The following VPS13A variants were observed in gnomAD, a reference collection of about 807,000 sequenced individuals.
VPS13A encodes the protein vacuolar protein sorting 13 homolog A, also known as intermembrane lipid transfer protein VPS13A.
In VPS13A, 264 loss-of-function variants were observed where a neutral mutation model predicts 390.9. That is an observed-to-expected ratio of 0.68 (90% CI 0.61 to 0.75). The LOEUF is 0.75. VPS13A is among the 30% of genes least tolerant of loss of function. VPS13A has a pLI of 0.00. For missense variants in VPS13A, 3,409 were observed against 3,733.9 expected (o/e 0.91, Z 2.27); for synonymous variants, 1,231 against 1,227.1 (o/e 1.00, Z -0.07).
chr9:77,382,271 T>C lies in VPS13A; in HGVS notation c.9189+184T>C, dbSNP rs182563394. ...ATTTACTATAAGATTTTTTTTTCTT[T>C]TTTACAGGCATCAAAAAGTTTGATA... On this transcript the variant is annotated intron_variant, in intron 68 of 71. Coordinates refer to ENST00000360280, the MANE Select transcript of VPS13A (RefSeq NM_033305.3). 128 of 1,510,242 alleles carry C rather than the reference T, an allele frequency of 8.5e-5. No homozygotes were observed. In the East Asian group the frequency reaches 2.9e-3, roughly 34 times the overall value. 93.6% of individuals were successfully genotyped at this position (1,510,242 alleles called of 1,614,324 possible). A position where few individuals can be genotyped will look rare whatever the true frequency, so the allele number is the denominator to read the frequency against.
intron 50 of VPS13A, among the ~76,000 whole-genome samples, chr9:77,341,780 T>C (rs372734696): frequency 1.3e-5 from 2 of 150,414 alleles, no homozygotes; most frequent in East Asian, 3.9e-4. Flanking sequence ...ATAATTATAG[T>C]TCTTATTCCC....
chr9:77,187,739 GT>G (rs951955327), intron 1 of VPS13A, among the ~76,000 whole-genome samples: 88 of 152,090 alleles, frequency 5.8e-4, no homozygotes, highest in African/African-American at 1.8e-3. Context: ...GGTTCATGGG[GT>G]ACATGTGTGG....
intron 9 of VPS13A, 152 bp from the exon 10 acceptor site, chr9:77,214,177 G>A: frequency 1.5e-6 from 1 of 649,598 alleles, no homozygotes; most frequent in South Asian, 1.7e-5. Flanking sequence ...TCGGGAGGCT[G>A]AGGCAGGAGA....
chr9:77,281,885 G>T lies in VPS13A; in HGVS notation c.2923G>T (p.Asp975Tyr). Residue 975 changes from aspartate to tyrosine, a missense_variant, in exon 28 of 72, where the codon GAC becomes TAC. Physicochemically the swap from Asp to Tyr is radical, Grantham distance 160. This residue lies in a region of VPS13A where 2,717 missense variants were observed against 2,917.4 expected (regional missense o/e 0.93). Coordinates refer to ENST00000360280, the MANE Select transcript of VPS13A (RefSeq NM_033305.3). ...EYVKAEKNVP[D>Y]LKSTYNNVLQ... Reference sequence around the variant, plus strand: ...TGGATAGGCTGAAAAGAATGTACCCGACTTGAAAAGTACCTATAACAATGT... The same window carrying T: ...TGGATAGGCTGAAAAGAATGTACCCTACTTGAAAAGTACCTATAACAATGT... 2.5e-6 allele frequency: 4 copies of T among 1,604,038 alleles called. No individual in the cohort carries two copies. Among genetic ancestry groups the T allele is most frequent in the South Asian group, 2.2e-5 (2 of 90,460 alleles).
At position 77,403,240 on chromosome 9, in the gene VPS13A, T is replaced by C; in HGVS notation, c.9194T>C (p.Met3065Thr). The change falls in exon 69 of 72, where the codon ATG (methionine) becomes ACG (threonine). Residue 3065 changes from methionine (M) to threonine (T), a missense_variant. Met to Thr is a moderately conservative substitution (Grantham distance 81). This residue lies in a region of VPS13A where 318 missense variants were observed against 333.7 expected (regional missense o/e 0.95). Transcript: ENST00000360280. Reference sequence around the variant, plus strand: ...TCTCTCACTTTTTTCTTTTAGGTCATGGAAAATGGAAGATTTGCAAAATAC... The same window carrying C: ...TCTCTCACTTTTTTCTTTTAGGTCACGGAAAATGGAAGATTTGCAAAATAC... ...DGTGNQMLQV[M>T]ENGRFAKYKY... The C allele has an allele frequency of 1.2e-6, 2 of 1,610,778 alleles. No individual in the cohort carries two copies. Among genetic ancestry groups the C allele is most frequent in the Non-Finnish European group, 1.7e-6 (2 of 1,178,288 alleles).
Position 77,221,169 on chromosome 9 carries a change from T to C in VPS13A, c.990-16T>C, listed in dbSNP as rs1823188860. 6.2e-7 allele frequency: 1 copy of C among 1,612,726 alleles called. No individual in the cohort carries two copies. Among genetic ancestry groups the C allele is most frequent in the Admixed American group, 1.7e-5 (1 of 59,956 alleles). On this transcript the variant is annotated splice_polypyrimidine_tract_variant and intron_variant, in intron 12 of 71. Coordinates refer to ENST00000360280, the MANE Select transcript of VPS13A (RefSeq NM_033305.3). Reference sequence around the variant, plus strand: ...GTTGATTTGAGGGTGTTAAATGTTTTTCTTTTTTTAACTAGGTGGGCTTAT... The same window carrying C: ...GTTGATTTGAGGGTGTTAAATGTTTCTCTTTTTTTAACTAGGTGGGCTTAT...
At chr9:77,320,580 A>C (rs191576033) in intron 42 of VPS13A, among the ~76,000 whole-genome samples, 82 of 152,208 alleles carry the variant, frequency 5.4e-4, no homozygotes, top group African/African-American at 1.9e-3. Context: ...CTAGCTTAGC[A>C]TGTTGAGCTC....
chr9:77,386,774 C>G (rs1833704459), intron 68 of VPS13A, among the ~76,000 whole-genome samples: 1 of 148,718 alleles, frequency 6.7e-6, no homozygotes, highest in African/African-American at 2.5e-5. Flanking sequence ...GTGGCGCGAT[C>G]TCGGCTGACT....
Position 77,202,638 on chromosome 9 carries a change from G to A in VPS13A, c.187+1231G>A, listed in dbSNP as rs111620410. The stretch of plus-strand genomic sequence containing the variant: ...ATTGAATTTTACAGTGATGATTGTC[G>A]TATTTCAGTGTATGTAAATTTAACC... On this transcript the variant is annotated intron_variant, in intron 3 of 71. Coordinates refer to ENST00000360280, the MANE Select transcript of VPS13A (RefSeq NM_033305.3). Among the ~76,000 whole-genome samples the A allele has an allele frequency of 4.4e-3, 669 of 152,136 alleles. 2 individuals are homozygous for A. Among genetic ancestry groups the A allele is most frequent in the Middle Eastern group, 6.8e-3 (2 of 294 alleles).
chr9:77,416,021 T>A lies in VPS13A; in HGVS notation c.*15T>A, dbSNP rs1474066597. 1 of 1,613,112 alleles carries A rather than the reference T, an allele frequency of 6.2e-7. No individual in the cohort carries two copies. Among genetic ancestry groups the A allele is most frequent in the East Asian group, 2.2e-5 (1 of 44,856 alleles). ...CGAGCCTCTGACAGAGAACACTGCC[T>A]GAAGACACACAGCAATAAGTGATTA... On this transcript the variant is annotated 3_prime_UTR_variant, in exon 72 of 72. Coordinates refer to ENST00000360280, the MANE Select transcript of VPS13A (RefSeq NM_033305.3).
chr9:77,359,441 G>A, intron 58 of VPS13A, 39 bp downstream of exon 58: 4 of 1,491,458 alleles, frequency 2.7e-6, no homozygotes, highest in South Asian at 1.2e-5. Context: ...TTTATTTAAT[G>A]TTTGATTTAA....
At position 77,221,175 on chromosome 9, in the gene VPS13A, T is replaced by C. The variant is rs1361925754; in HGVS notation, c.990-10T>C. The C allele has an allele frequency of 1.2e-6, 2 of 1,613,032 alleles. No individual in the cohort carries two copies. The highest frequency in any genetic ancestry group is 1.7e-5 in the Admixed American group (1 of 59,942). ...TTGAGGGTGTTAAATGTTTTTCTTT[T>C]TTTAACTAGGTGGGCTTATGCTATA... On this transcript the variant is annotated splice_polypyrimidine_tract_variant and intron_variant, in intron 12 of 71. Coordinates refer to ENST00000360280, the MANE Select transcript of VPS13A (RefSeq NM_033305.3).
chr9:77,373,587 A>C (rs892252998), intron 67 of VPS13A, among the ~76,000 whole-genome samples: 2 of 147,404 alleles, frequency 1.4e-5, no homozygotes, highest in African/African-American at 4.9e-5. Flanking sequence ...CAAGGACTTC[A>C]TGTCCAAAAC....
At chr9:77,297,392 T>A (rs1828074402) in intron 33 of VPS13A, among the ~76,000 whole-genome samples, 1 of 152,106 alleles carries the variant, frequency 6.6e-6, no homozygotes. Context: ...ACTCTGGGGC[T>A]TTCCTGGCCT....
intron 7 of VPS13A, 109 bp from the exon 8 acceptor site, chr9:77,212,860 C>A: frequency 8.7e-7 from 1 of 1,144,246 alleles, no homozygotes; most frequent in Non-Finnish European, 1.3e-6. Context: ...TCTTTAAAGG[C>A]ATTTTCATGA....
Position 77,273,343 on chromosome 9 carries a change from C to A in VPS13A, c.2491C>A (p.Leu831Ile). ...ACAGAAAATAATTCCTCTCTTGGAACTTCCATCTGTTTCTGAAGATGGTAA... is the reference window on the plus strand; with the variant it reads ...ACAGAAAATAATTCCTCTCTTGGAAATTCCATCTGTTTCTGAAGATGGTAA... ...ISQKIIPLLE[L>I]PSVSEDDSEE... is the part of the protein sequence containing the mutation. The change falls in exon 24 of 72, where the codon CTT (leucine) becomes ATT (isoleucine). Residue 831 changes from leucine to isoleucine, a missense_variant. Leu to Ile is a conservative substitution (Grantham distance 5, BLOSUM62 2). Around this residue, in one of 5 missense-constraint regions of VPS13A, gnomAD observed 2,717 missense variants for 2,917.4 expected, o/e 0.93. Transcript: ENST00000360280. 1 of 1,610,646 alleles carries A rather than the reference C, an allele frequency of 6.2e-7. No individual in the cohort carries two copies. The highest frequency in any genetic ancestry group is 8.5e-7 in the Non-Finnish European group (1 of 1,178,276).
Position 77,250,248 on chromosome 9 carries a change from A to C in VPS13A, c.2170+19A>C. On this transcript the variant is annotated intron_variant, in intron 21 of 71. Transcript: ENST00000360280. Reference sequence around the variant, plus strand: ...AGAGTTGGTGAGTATAAAATGCATTATTTGTTGATTGATTTTGTTGAAGTG... The same window carrying C: ...AGAGTTGGTGAGTATAAAATGCATTCTTTGTTGATTGATTTTGTTGAAGTG... 1 of 1,611,746 alleles carries C rather than the reference A, an allele frequency of 6.2e-7. No individual in the cohort carries two copies. Among genetic ancestry groups the C allele is most frequent in the Non-Finnish European group, 8.5e-7 (1 of 1,179,590 alleles).
At chr9:77,237,523 C>T (rs1284577458) in intron 17 of VPS13A, among the ~76,000 whole-genome samples, 2 of 152,132 alleles carry the variant, frequency 1.3e-5, no homozygotes, top group African/African-American at 4.8e-5. Flanking sequence ...TGCCCCCACA[C>T]CTGGCTAACT....
chr9:77,214,337 G>T lies in VPS13A; in HGVS notation c.705G>T (p.Leu235Phe). The T allele has an allele frequency of 6.2e-7, 1 of 1,612,848 alleles. No individual in the cohort carries two copies. Among genetic ancestry groups the T allele is most frequent in the Non-Finnish European group, 8.5e-7 (1 of 1,179,134 alleles). ...LSDYDNSLDD[L>F]KNGIVNENIV... ...AATTTGTCTTTTAATAGGACGACTT[G>T]AAGAATGGCATTGTCAATGAAAATA... The change falls in exon 10 of 72, where the codon TTG becomes TTT. Residue 235 changes from leucine to phenylalanine, a missense_variant. Transcript: ENST00000360280.
Sources: allele counts gnomAD v4.1 joint callset (sites outside exome capture counted in the v4.1 genomes callset), GRCh38; gene constraint gnomAD v4.1.1; regional missense constraint gnomAD v4.1.1; transcripts MANE v1.5; gene names NCBI Gene and HGNC (gene_info 2026-07-23, HGNC 2026-07-21).